FAM13C: variants seen among roughly 807,000 people sequenced by gnomAD.
FAM13C encodes family with sequence similarity 13 member C.
Under a neutral mutation model 73.2 loss-of-function variants are expected in FAM13C, and 37 were observed. That is an observed-to-expected ratio of 0.51 (90% CI 0.39 to 0.67). The LOEUF is 0.67. Among genes scored for constraint, FAM13C ranks in the 30% least tolerant of loss-of-function variants. FAM13C has a pLI of 0.00. For missense variants in FAM13C, 589 were observed against 715.6 expected (o/e 0.82, Z 2.02); for synonymous variants, 246 against 260.9 (o/e 0.94, Z 0.55).
chr10:59,326,613 T>C (rs1851176502), intron 3 of FAM13C, among the ~76,000 whole-genome samples: 1 of 152,110 alleles, frequency 6.6e-6, no homozygotes, highest in Non-Finnish European at 1.5e-5. Flanking sequence ...TCTTGGAAAA[T>C]ATTTCACTCA....
chr10:59,340,462 C>T (rs1461508107), intron 3 of FAM13C, among the ~76,000 whole-genome samples: 1 of 152,112 alleles, frequency 6.6e-6, no homozygotes, highest in East Asian at 1.9e-4. Flanking sequence ...GCTGCATGGG[C>T]TAGAGTGTAG....
chr10:59,352,360 G>C lies in FAM13C; in HGVS notation c.234C>G (p.Ser78Arg). The C allele has an allele frequency of 2.5e-6, 4 of 1,614,180 alleles. No homozygotes were observed. ...AGTTGCCCATGCTGGGTCGCAATAC[G>C]CTGTCCACCAGCACGGTCGCCTCTA... ...QNVEATVLVD[S>R]VLRPSMGNFK... The change falls in exon 3 of 14, where the codon AGC (serine) becomes AGG (arginine). Residue 78 changes from serine (S) to arginine (R), a missense_variant. By Grantham distance (110) the Ser-to-Arg change is moderately radical (BLOSUM62 -1). Transcript: ENST00000618804.
intron 11 of FAM13C, chr10:59,254,089 T>A (rs534611266): frequency 5.2e-6 from 2 of 385,642 alleles, no homozygotes; most frequent in Admixed American, 4.5e-5. Flanking sequence ...TCACCCAAGA[T>A]AATGAAAGCA....
At chr10:59,347,832 C>T (rs1407369240) in intron 3 of FAM13C, among the ~76,000 whole-genome samples, 1 of 152,122 alleles carries the variant, frequency 6.6e-6, no homozygotes, top group Non-Finnish European at 1.5e-5. Context: ...CAGCTTCATC[C>T]ATGTCCCTGC....
chr10:59,347,144 C>T (rs1589704900), intron 3 of FAM13C, among the ~76,000 whole-genome samples: 1 of 152,148 alleles, frequency 6.6e-6, no homozygotes, highest in African/African-American at 2.4e-5. Context: ...AAGCGTTCTC[C>T]TTCTAAATAC....
chr10:59,274,394 A>G (rs1205343718), intron 6 of FAM13C, among the ~76,000 whole-genome samples: 1 of 152,188 alleles, frequency 6.6e-6, no homozygotes, highest in Non-Finnish European at 1.5e-5. Flanking sequence ...AAGGAGATGC[A>G]GTATCGTCAT....
intron 4 of FAM13C, among the ~76,000 whole-genome samples, chr10:59,308,526 C>A (rs1848519981): frequency 6.6e-6 from 1 of 151,246 alleles, no homozygotes; most frequent in Non-Finnish European, 1.5e-5. Context: ...ACCAGCATCA[C>A]CCCCATCATC....
intron 5 of FAM13C, among the ~76,000 whole-genome samples, chr10:59,292,343 T>A (rs1846359844): frequency 1.3e-5 from 2 of 152,238 alleles, no homozygotes; most frequent in African/African-American, 4.8e-5. Context: ...CCCATATGGT[T>A]GTTTCTTTGT....
chr10:59,340,808 G>GT (rs926889249), intron 3 of FAM13C, among the ~76,000 whole-genome samples: 16 of 151,424 alleles, frequency 1.1e-4, no homozygotes, highest in Admixed American at 9.9e-4. Flanking sequence ...AGTAACTGCG[G>GT]TTTTTGCCAT....
At chr10:59,332,201 G>A (rs954760419) in intron 3 of FAM13C, among the ~76,000 whole-genome samples, 5 of 152,012 alleles carry the variant, frequency 3.3e-5, no homozygotes, top group Non-Finnish European at 5.9e-5. Flanking sequence ...AGAACCCACA[G>A]AGAGAGGTGG....
At chr10:59,338,828 G>T (rs1303045625) in intron 3 of FAM13C, among the ~76,000 whole-genome samples, 1 of 152,184 alleles carries the variant, frequency 6.6e-6, no homozygotes, top group Non-Finnish European at 1.5e-5. Flanking sequence ...CCCTGGAGCA[G>T]CAAGGAGCCA....
intron 4 of FAM13C, among the ~76,000 whole-genome samples, chr10:59,313,843 C>A (rs748039203): frequency 6.6e-6 from 1 of 152,040 alleles, no homozygotes; most frequent in Non-Finnish European, 1.5e-5. Context: ...CCAAGAGAGG[C>A]GTGAGATTAT....
intron 3 of FAM13C, among the ~76,000 whole-genome samples, chr10:59,351,613 C>A (rs542594439): frequency 6.6e-6 from 1 of 152,188 alleles, no homozygotes. Flanking sequence ...AGAATCCCCA[C>A]GTCTGAGGCA....
intron 6 of FAM13C, among the ~76,000 whole-genome samples, chr10:59,280,387 C>T (rs530174703): frequency 6.6e-6 from 1 of 152,312 alleles, no homozygotes; most frequent in South Asian, 2.1e-4. Context: ...CTTGGACTTT[C>T]TCCTCCTGAA....
chr10:59,251,559 C>T lies in FAM13C; in HGVS notation c.1634+16G>A. 3 of 1,607,658 alleles carry T rather than the reference C, an allele frequency of 1.9e-6. No homozygotes were observed. The highest frequency in any genetic ancestry group is 2.6e-6 in the Non-Finnish European group (3 of 1,174,276). On this transcript the variant is annotated intron_variant, in intron 13 of 13. Coordinates refer to ENST00000618804, the MANE Select transcript of FAM13C (RefSeq NM_198215.4). ...TAGGAAGTATTAGCTTTAAAAATCT[C>T]TCTGCCGACACATACCTTCCTGTTT... is the stretch of plus-strand genomic sequence containing the variant.
intron 2 of FAM13C, among the ~76,000 whole-genome samples, chr10:59,354,067 C>A (rs564971509): frequency 2.0e-5 from 3 of 152,152 alleles, no homozygotes; most frequent in Non-Finnish European, 4.4e-5. Flanking sequence ...GAACAGCTGC[C>A]TTTACAGTTA....
At chr10:59,262,683 AC>A in intron 9 of FAM13C, 38 bp from the exon 10 acceptor site, 2 of 1,547,526 alleles carry the variant, frequency 1.3e-6, no homozygotes, top group Non-Finnish European at 8.9e-7. Flanking sequence ...AGCAAAGAGA[AC>A]CCACTAGTTC....
intron 3 of FAM13C, among the ~76,000 whole-genome samples, chr10:59,347,136 G>C (rs373073998): frequency 6.6e-6 from 1 of 152,148 alleles, no homozygotes. Flanking sequence ...ATTCAAATAA[G>C]CGTTCTCCTT....
intron 3 of FAM13C, among the ~76,000 whole-genome samples, chr10:59,325,545 AC>A (rs1325895725): frequency 7.2e-5 from 11 of 152,200 alleles, no homozygotes; most frequent in African/African-American, 2.7e-4. Flanking sequence ...GAAAAATTCT[AC>A]AGCTACCAAA....
Sources: allele counts gnomAD v4.1 joint callset (sites outside exome capture counted in the v4.1 genomes callset), GRCh38; gene constraint gnomAD v4.1.1; transcripts MANE v1.5; gene names NCBI Gene and HGNC (gene_info 2026-07-23, HGNC 2026-07-21).